MYO1A: variants seen among roughly 807,000 people sequenced by gnomAD.
MYO1A encodes the protein myosin IA, also known as unconventional myosin-Ia.
MYO1A carries 127 observed loss-of-function variants against 138.5 expected under a neutral mutation model. The observed-to-expected ratio is 0.92, with a 90% confidence interval of 0.79 to 1.06. MYO1A has a LOEUF of 1.06. Among genes scored for constraint, MYO1A ranks in the 50% least tolerant of loss-of-function variants. MYO1A has a pLI of 0.00. For synonymous variants in MYO1A, 477 were observed against 497.5 expected (o/e 0.96, Z 0.55); for missense variants, 1,211 against 1,288.8 (o/e 0.94, Z 0.92).
At chr12:57,041,081 C>T in intron 14 of MYO1A, 103 bp downstream of exon 14, 1 of 850,302 alleles carries the variant, frequency 1.2e-6, no homozygotes, top group South Asian at 1.4e-5. Flanking sequence ...TCTGTGTTCA[C>T]ATCTGGGGAC....
chr12:57,048,882 T>C lies in MYO1A; in HGVS notation c.-20-539A>G, dbSNP rs142472443. Among the ~76,000 whole-genome samples, 231 of 152,328 alleles carry C rather than the reference T, an allele frequency of 1.5e-3. 1 individual carries two copies. The highest frequency in any genetic ancestry group is 5.4e-3 in the African/African-American group (225 of 41,576). The stretch of plus-strand genomic sequence containing the variant: ...CAGAAGTTCTTCCAAAGGTCTCTCC[T>C]TCCCTGTCATTGCTACAGTGAGCTT... On this transcript the variant is annotated intron_variant, in intron 1 of 27. Coordinates refer to ENST00000300119, the MANE Select transcript of MYO1A (RefSeq NM_005379.4).
Position 57,037,018 on chromosome 12 carries a change from C to T in MYO1A, c.2129G>A (p.Gly710Asp), listed in dbSNP as rs2030587696. 24 of 1,614,124 alleles carry T rather than the reference C, an allele frequency of 1.5e-5. No individual in the cohort carries two copies. The highest frequency in any genetic ancestry group is 2.0e-5 in the Non-Finnish European group (24 of 1,180,022). Residue 710 changes from glycine to aspartate, a missense_variant, in exon 20 of 28, where the codon GGC (glycine) becomes GAC (aspartate). Gly to Asp is a moderately conservative substitution (Grantham distance 94, BLOSUM62 -1). Coordinates refer to ENST00000300119, the MANE Select transcript of MYO1A (RefSeq NM_005379.4). ...LATLIQKIYR[G>D]WRCRTHYQLM... ...TTGGTAGTGGGTGCGGCAGCGCCAG[C>T]CTCGGTAAATCTTCTGTATGAGTGT...
Position 57,048,111 on chromosome 12 carries a change from CCA to C in MYO1A, c.115-9_115-8del. 1 of 1,612,362 alleles carries C rather than the reference CCA, an allele frequency of 6.2e-7. No individual in the cohort carries two copies. The highest frequency in any genetic ancestry group is 2.2e-5 in the East Asian group (1 of 44,850). On this transcript the variant is annotated splice_polypyrimidine_tract_variant and splice_region_variant and intron_variant, in intron 2 of 27. Coordinates refer to ENST00000300119, the MANE Select transcript of MYO1A (RefSeq NM_005379.4). Reference sequence around the variant, plus strand: ...CCACATTCCCAATGTAGGTCTGGAGCCAGGAAGAAGGTGAAGGGAATGAGCTT... The same window carrying C: ...CCACATTCCCAATGTAGGTCTGGAGCGGAAGAAGGTGAAGGGAATGAGCTT...
At chr12:57,029,396 C>T (rs1331959534) in intron 26 of MYO1A, 39 bp downstream of exon 26, 1 of 1,614,020 alleles carries the variant, frequency 6.2e-7, no homozygotes, top group Admixed American at 1.7e-5. Context: ...TGCATACCAC[C>T]TTCTCCAGTC....
chr12:57,037,732 G>C, intron 18 of MYO1A, 91 bp from the exon 19 acceptor site: 9 of 1,497,480 alleles, frequency 6.0e-6, no homozygotes, highest in Non-Finnish European at 8.4e-6. Flanking sequence ...CCTCCAAGAA[G>C]TGATCATTCA....
In MYO1A at chr12:57,028,566, T is replaced by G; in HGVS notation, c.*189A>C. Reference sequence around the variant, plus strand: ...TATTAGTGTGCAGAGAGGCTGCGGGTTGGAGGAAGCTACTTTTGGAGGAGA... The same window carrying G: ...TATTAGTGTGCAGAGAGGCTGCGGGGTGGAGGAAGCTACTTTTGGAGGAGA... On this transcript the variant is annotated 3_prime_UTR_variant, in exon 28 of 28. Transcript: ENST00000300119. 2.9e-6 allele frequency: 2 copies of G among 695,062 alleles called. No homozygotes were observed. Among genetic ancestry groups the G allele is most frequent in the Non-Finnish European group, 4.7e-6 (2 of 425,054 alleles). The allele number at this position is 695,062 out of a possible 1,614,324, so 43.1% of individuals were successfully genotyped here.
chr12:57,043,902 C>A lies in MYO1A; in HGVS notation c.846G>T (p.Glu282Asp), dbSNP rs1384836855. ...LKLGNVLVAD[E>D]FQASGIPASG... Reference sequence around the variant, plus strand: ...TTGCTGGTATCCCACTGGCCTGGAACTCATCAGCCACCAACACGTTCCCCA... The same window carrying A: ...TTGCTGGTATCCCACTGGCCTGGAAATCATCAGCCACCAACACGTTCCCCA... Residue 282 changes from glutamate (E) to aspartate (D), a missense_variant, in exon 10 of 28, where the codon GAG becomes GAT. Coordinates refer to ENST00000300119, the MANE Select transcript of MYO1A (RefSeq NM_005379.4). 2 of 1,614,162 alleles carry A rather than the reference C, an allele frequency of 1.2e-6. No individual in the cohort carries two copies. Among genetic ancestry groups the A allele is most frequent in the Admixed American group, 1.7e-5 (1 of 60,018 alleles).
chr12:57,036,896 C>T, intron 20 of MYO1A, 46 bp downstream of exon 20: 1 of 1,614,230 alleles, frequency 6.2e-7, no homozygotes, highest in South Asian at 1.1e-5. Context: ...CACCTTCCAT[C>T]TTCCCTATTA....
In MYO1A at chr12:57,038,846, C is replaced by A. The variant is rs373225819; in HGVS notation, c.1496G>T (p.Gly499Val). Residue 499 changes from glycine (G) to valine (V), a missense_variant, in exon 16 of 28, where the codon GGC (glycine) becomes GTC (valine). Transcript: ENST00000300119. ...GTGGCAGATGCGGAAGCAGCTGAGGCCCATGGTGTGGTCATACTGACGCTG... is the reference window on the plus strand; with the variant it reads ...GTGGCAGATGCGGAAGCAGCTGAGGACCATGGTGTGGTCATACTGACGCTG... ...NAQRQYDHTM[G>V]LSCFRICHYA... is the part of the protein sequence containing the mutation. 1 of 1,614,054 alleles carries A rather than the reference C, an allele frequency of 6.2e-7. No homozygotes were observed. The highest frequency in any genetic ancestry group is 1.3e-5 in the African/African-American group (1 of 74,904).
intron 8 of MYO1A, 96 bp downstream of exon 8, chr12:57,046,455 AG>A: frequency 1.1e-6 from 1 of 903,930 alleles, no homozygotes; most frequent in African/African-American, 1.6e-5. Context: ...AGAGGGCTGT[AG>A]GGGCCCAGAG....
chr12:57,038,705 T>A, intron 16 of MYO1A, 67 bp from the exon 17 acceptor site: 1 of 1,608,478 alleles, frequency 6.2e-7, no homozygotes, highest in Admixed American at 1.7e-5. Context: ...CCTCCCAGTC[T>A]CATTGTGAAG....
intron 17 of MYO1A, 58 bp downstream of exon 17, chr12:57,038,354 T>C (rs2030674580): frequency 1.1e-5 from 18 of 1,565,824 alleles, no homozygotes; most frequent in Non-Finnish European, 1.4e-5. Context: ...CTACAGCGCA[T>C]GGACCCTGCA....
chr12:57,039,525 T>C (rs2030762837), intron 14 of MYO1A: 2 of 509,892 alleles, frequency 3.9e-6, no homozygotes, highest in Non-Finnish European at 7.2e-6. Flanking sequence ...CAGAGATCCC[T>C]GTAGGTGGTG....
At position 57,044,101 on chromosome 12, in the gene MYO1A, C is replaced by T. The variant is rs1565646799; in HGVS notation, c.744+5G>A. The T allele has an allele frequency of 6.2e-7, 1 of 1,614,060 alleles. No individual in the cohort carries two copies. Among genetic ancestry groups the T allele is most frequent in the African/African-American group, 1.3e-5 (1 of 74,930 alleles). ...GCCCAAGCCTGCCTCACCCTGGGCA[C>T]CCACCTGTACAGCCCTGAAGCTGGA... is the stretch of plus-strand genomic sequence containing the variant. On this transcript the variant is annotated splice_donor_5th_base_variant and intron_variant, in intron 9 of 27. Coordinates refer to ENST00000300119, the MANE Select transcript of MYO1A (RefSeq NM_005379.4).
Position 57,030,328 on chromosome 12 carries a change from G to A in MYO1A, c.2485-12C>T, listed in dbSNP as rs780489541. 1 of 1,603,332 alleles carries A rather than the reference G, an allele frequency of 6.2e-7. No individual in the cohort carries two copies. On this transcript the variant is annotated splice_polypyrimidine_tract_variant and intron_variant, in intron 23 of 27. Transcript: ENST00000300119. ...CGGAACCTCTTGCACTGTGAGGAAG[G>A]AGGGACAGGAGCTAAAATCATAGAG...
chr12:57,047,243 G>A, intron 5 of MYO1A, 60 bp downstream of exon 5: 1 of 1,581,958 alleles, frequency 6.3e-7, no homozygotes, highest in South Asian at 1.1e-5. Flanking sequence ...AGAGGGTCTA[G>A]GGCTCAGTGA....
intron 12 of MYO1A, among the ~76,000 whole-genome samples, chr12:57,041,704 C>A (rs1017482152): frequency 6.6e-6 from 1 of 152,166 alleles, no homozygotes; most frequent in Non-Finnish European, 1.5e-5. Context: ...AAGGAAGATA[C>A]AGATAGATTC....
At chr12:57,029,111 A>AC (rs1309472681) in intron 27 of MYO1A, 21 bp downstream of exon 27, 2 of 1,612,590 alleles carry the variant, frequency 1.2e-6, no homozygotes, top group Admixed American at 1.7e-5. Context: ...GCCGCCCCTC[A>AC]CCCCCAGTTC....
In MYO1A at chr12:57,043,378, C is replaced by G. The variant is rs1366082804; in HGVS notation, c.893-20G>C. The G allele has an allele frequency of 6.2e-7, 1 of 1,607,488 alleles. No individual in the cohort carries two copies. The highest frequency in any genetic ancestry group is 8.5e-7 in the Non-Finnish European group (1 of 1,174,114). ...GAACACCTGGGATAATGAGAAAGTA[C>G]AGCATGTCCTTAGAGGCAGCTTTCT... On this transcript the variant is annotated intron_variant, in intron 10 of 27. Transcript: ENST00000300119.
Sources: allele counts gnomAD v4.1 joint callset (sites outside exome capture counted in the v4.1 genomes callset), GRCh38; gene constraint gnomAD v4.1.1; transcripts MANE v1.5; gene names NCBI Gene and HGNC (gene_info 2026-07-23, HGNC 2026-07-21).